The following SFMBT1 variants were observed in gnomAD, a reference collection of about 807,000 sequenced individuals.
SFMBT1 encodes Scm like with four mbt domains 1.
Under a neutral mutation model 108.7 loss-of-function variants are expected in SFMBT1, and 32 were observed. That is an observed-to-expected ratio of 0.29 (90% CI 0.22 to 0.40). The LOEUF (loss-of-function observed/expected upper bound fraction) is 0.40. Among genes scored for constraint, SFMBT1 ranks in the 10% least tolerant of loss-of-function variants. SFMBT1 has a pLI of 1.00. For synonymous variants in SFMBT1, 348 were observed against 369.5 expected (o/e 0.94, Z 0.67); for missense variants, 816 against 1,059.6 (o/e 0.77, Z 3.19).
intron 1 of SFMBT1, among the ~76,000 whole-genome samples, chr3:52,990,101 A>C (rs1012927124): frequency 6.6e-6 from 1 of 152,304 alleles, no homozygotes; most frequent in South Asian, 2.1e-4. Flanking sequence ...GTTGCATTTA[A>C]AATGTTCAAA....
chr3:52,930,282 A>T, intron 8 of SFMBT1, 47 bp downstream of exon 8: 2 of 1,174,506 alleles, frequency 1.7e-6, no homozygotes, highest in Non-Finnish European at 2.6e-6. Flanking sequence ...TTCCTAAACC[A>T]GTCACCTTGA....
At chr3:52,952,314 T>A (rs1260637285) in intron 3 of SFMBT1, among the ~76,000 whole-genome samples, 1 of 152,182 alleles carries the variant, frequency 6.6e-6, no homozygotes, top group African/African-American at 2.4e-5. Context: ...TAAAAGAATA[T>A]GGTTTATATT....
Position 52,913,020 on chromosome 3 carries a change from C to G in SFMBT1, c.1621-373G>C, listed in dbSNP as rs146924798. On this transcript the variant is annotated intron_variant, in intron 15 of 20. Transcript: ENST00000394752. ...TTCTTGTGGCTGGAGGAGTCTGGTC[C>G]AGACGCTCTGGCTTCCCCAGATCCT... Among the ~76,000 whole-genome samples the G allele has an allele frequency of 8.1e-4, 123 of 152,288 alleles. 1 individual carries two copies. The highest frequency in any genetic ancestry group is 2.4e-3 in the African/African-American group (101 of 41,552).
chr3:52,928,649 T>TACAC (rs1559514118), intron 8 of SFMBT1, among the ~76,000 whole-genome samples: 1 of 93,868 alleles, frequency 1.1e-5, no homozygotes, highest in South Asian at 3.2e-4. Context: ...TATATATATA[T>TACAC]ATATACACAT....
At chr3:52,918,903 G>C (rs561160034) in intron 12 of SFMBT1, among the ~76,000 whole-genome samples, 1 of 151,762 alleles carries the variant, frequency 6.6e-6, no homozygotes, top group African/African-American at 2.4e-5. Context: ...TTTTTCCATG[G>C]ACCAGGGGGT....
intron 8 of SFMBT1, chr3:52,928,609 C>CAT (rs1373530798): frequency 5.3e-5 from 4 of 75,536 alleles, no homozygotes; most frequent in South Asian, 4.5e-4. Flanking sequence ...TACATATATA[C>CAT]ATATATATAC....
At chr3:52,939,245 A>T (rs796748693) in intron 4 of SFMBT1, among the ~76,000 whole-genome samples, 1 of 152,212 alleles carries the variant, frequency 6.6e-6, no homozygotes, top group African/African-American at 2.4e-5. Flanking sequence ...TTCAGTATGT[A>T]TTACAAGGCC....
At chr3:53,040,825 T>C (rs1700018670) in intron 1 of SFMBT1, among the ~76,000 whole-genome samples, 1 of 150,794 alleles carries the variant, frequency 6.6e-6, no homozygotes, top group African/African-American at 2.4e-5. Flanking sequence ...TTATTTATTT[T>C]TTTGAGACAG....
At chr3:52,979,091 T>C (rs1342979451) in intron 1 of SFMBT1, among the ~76,000 whole-genome samples, 1 of 152,214 alleles carries the variant, frequency 6.6e-6, no homozygotes, top group Admixed American at 6.5e-5. Flanking sequence ...GTGAGTTTTA[T>C]GGTCTGTGAA....
chr3:52,976,594 G>A (rs1004295913), intron 1 of SFMBT1, among the ~76,000 whole-genome samples: 5 of 152,128 alleles, frequency 3.3e-5, no homozygotes, highest in African/African-American at 4.8e-5. Flanking sequence ...AAGCAAGGAA[G>A]CCATAAAATG....
chr3:53,029,850 T>C (rs2106955946), intron 1 of SFMBT1, among the ~76,000 whole-genome samples: 1 of 152,206 alleles, frequency 6.6e-6, no homozygotes. Flanking sequence ...ACTCTCTACC[T>C]CCAACTCCTC....
intron 1 of SFMBT1, among the ~76,000 whole-genome samples, chr3:53,024,144 G>A (rs1290591644): frequency 2.0e-5 from 3 of 152,300 alleles, no homozygotes; most frequent in African/African-American, 4.8e-5. Flanking sequence ...CAGGGGCAGG[G>A]ATATGAAATG....
chr3:52,985,884 T>C (rs1704888900), intron 1 of SFMBT1, among the ~76,000 whole-genome samples: 1 of 152,202 alleles, frequency 6.6e-6, no homozygotes, highest in African/African-American at 2.4e-5. Context: ...GGCTCACGCC[T>C]GTAATCCCAG....
intron 1 of SFMBT1, among the ~76,000 whole-genome samples, chr3:53,010,159 T>C (rs1441725160): frequency 6.6e-6 from 1 of 152,210 alleles, no homozygotes; most frequent in Non-Finnish European, 1.5e-5. Flanking sequence ...AAGGATGTTT[T>C]AAGTAGTAAA....
At chr3:52,960,909 G>C (rs1205111185) in intron 2 of SFMBT1, among the ~76,000 whole-genome samples, 1 of 152,206 alleles carries the variant, frequency 6.6e-6, no homozygotes, top group Non-Finnish European at 1.5e-5. Flanking sequence ...AGCCAAGGCA[G>C]AGGACAGCTT....
intron 5 of SFMBT1, among the ~76,000 whole-genome samples, chr3:52,933,558 A>G (rs1369413733): frequency 6.6e-6 from 1 of 152,240 alleles, no homozygotes; most frequent in Non-Finnish European, 1.5e-5. Flanking sequence ...ATTTAGAGCT[A>G]AAAGTCAGCA....
At chr3:52,946,234 T>C (rs1177189272) in intron 3 of SFMBT1, among the ~76,000 whole-genome samples, 1 of 152,208 alleles carries the variant, frequency 6.6e-6, no homozygotes, top group East Asian at 1.9e-4. Context: ...CAGAGAAGAC[T>C]ATGAAGACAT....
intron 1 of SFMBT1, among the ~76,000 whole-genome samples, chr3:53,041,698 C>CAAAAAAAAAAAAAAAA (rs59502728): frequency 4.5e-5 from 2 of 44,114 alleles, no homozygotes; most frequent in Non-Finnish European, 7.9e-5. Context: ...AAGTCTGTCT[C>CAAAAAAAAAAAAAAAA]AAAAAAAAAA....
rs563122290 is a variant in SFMBT1 at position 52,907,190 on chromosome 3, C to T, written c.2210G>A (p.Cys737Tyr). 4 of 1,614,088 alleles carry T rather than the reference C, an allele frequency of 2.5e-6. No homozygotes were observed. The South Asian group carries it at 3.3e-5, about 13-fold the overall frequency. The change falls in exon 19 of 21, where the codon TGC (cysteine) becomes TAC (tyrosine). Residue 737 changes from cysteine to tyrosine, a missense_variant. Around this residue, in one of 5 missense-constraint regions of SFMBT1, gnomAD observed 177 missense variants for 182.0 expected, o/e 0.97. Coordinates refer to ENST00000394752, the MANE Select transcript of SFMBT1 (RefSeq NM_016329.4). ...CTCACTTTGGGTGGGAGAAGAGGAG[C>T]ATGACTTTTTTTCTGACATTTCTGA... is the stretch of plus-strand genomic sequence containing the variant. ...EESEMSEKKS[C>Y]SSSPTQSEIS... is the part of the protein sequence containing the mutation.
Sources: allele counts gnomAD v4.1 joint callset (sites outside exome capture counted in the v4.1 genomes callset), GRCh38; gene constraint gnomAD v4.1.1; regional missense constraint gnomAD v4.1.1; transcripts MANE v1.5; gene names NCBI Gene and HGNC (gene_info 2026-07-23, HGNC 2026-07-21).